The following STAB2 variants were observed in gnomAD, a reference collection of about 807,000 sequenced individuals.
The protein encoded by STAB2 is stabilin 2.
In STAB2, 288 loss-of-function variants were observed where a neutral mutation model predicts 338.1. The observed-to-expected ratio is 0.85, with a 90% CI of 0.77 to 0.94. The LOEUF is 0.94. Among genes scored for constraint, STAB2 ranks in the 40% least tolerant of loss-of-function variants. The pLI is 0.00. For missense variants in STAB2, 3,141 were observed against 3,210.1 expected (o/e 0.98, Z 0.52); for synonymous variants, 1,202 against 1,193.3 (o/e 1.01, Z -0.15).
intron 27 of STAB2, among the ~76,000 whole-genome samples, chr12:103,685,445 TGTGTGTGTGCGC>T (rs1025598278): frequency 4.8e-5 from 7 of 145,742 alleles, no homozygotes; most frequent in African/African-American, 1.9e-4. Flanking sequence ...TGTGTGTGTG[TGTGTGTGTGCGC>T]GTGCGTGTGT....
intron 68 of STAB2, chr12:103,766,041 C>A: frequency 1.5e-6 from 1 of 653,562 alleles, no homozygotes; most frequent in Non-Finnish European, 2.8e-6. Context: ...GAAGAAACTG[C>A]AGCCGAGTTG....
intron 68 of STAB2, among the ~76,000 whole-genome samples, chr12:103,765,562 C>T (rs1294260500): frequency 6.6e-6 from 1 of 152,206 alleles, no homozygotes; most frequent in Non-Finnish European, 1.5e-5. Flanking sequence ...GCATGGCCAC[C>T]TCTAGAGTGT....
chr12:103,648,822 A>G lies in STAB2; in HGVS notation c.1173A>G (p.Leu391=). 1.9e-6 allele frequency: 3 copies of G among 1,613,786 alleles called. No homozygotes were observed. The highest frequency in any genetic ancestry group is 2.5e-6 in the Non-Finnish European group (3 of 1,179,806). Residue 391 remains leucine, a splice_region_variant and synonymous_variant, in exon 10 of 69, where the codon CTA becomes CTG. Coordinates refer to ENST00000388887, the MANE Select transcript of STAB2 (RefSeq NM_017564.10). ...QGRLTSFISL[L]DKAYAWPLSK... Reference sequence around the variant, plus strand: ...GGCTGACCTCTTTCATCTCACTCCTAGGTACGCAGCTATGGGTACAGATTT... The same window carrying G: ...GGCTGACCTCTTTCATCTCACTCCTGGGTACGCAGCTATGGGTACAGATTT...
rs188223651 is a variant in STAB2 at position 103,685,479 on chromosome 12, C to T, written c.2997+395C>T. Among the ~76,000 whole-genome samples the T allele has an allele frequency of 4.3e-3, 591 of 137,852 alleles. 4 individuals are homozygous for T. The highest frequency in any genetic ancestry group is 0.011 in the African/African-American group (445 of 39,304). 90.4% of individuals were successfully genotyped at this position (137,852 alleles called of 152,430 possible). A position where few individuals can be genotyped will look rare whatever the true frequency, so the allele number is the denominator to read the frequency against. ...GCGCGTGCGTGTGTGTGTGCGTGCG[C>T]GCATGTGTGTGTGTGTGTACACACT... On this transcript the variant is annotated intron_variant, in intron 27 of 68. Coordinates refer to ENST00000388887, the MANE Select transcript of STAB2 (RefSeq NM_017564.10).
chr12:103,742,497 T>C lies in STAB2; in HGVS notation c.5974T>C (p.Phe1992Leu). ...ATGECKCNTG[F>L]NGTACEMCWP... Reference sequence around the variant, plus strand: ...CGGAGAGTGTAAATGCAACACCGGCTTCAATGGGACGGCGTGTGAGATGTG... The same window carrying C: ...CGGAGAGTGTAAATGCAACACCGGCCTCAATGGGACGGCGTGTGAGATGTG... The change falls in exon 56 of 69, where the codon TTC becomes CTC. Residue 1992 changes from phenylalanine to leucine, a missense_variant. Transcript: ENST00000388887. The C allele has an allele frequency of 6.2e-7, 1 of 1,614,152 alleles. No individual in the cohort carries two copies. The highest frequency in any genetic ancestry group is 1.1e-5 in the South Asian group (1 of 91,074).
intron 3 of STAB2, among the ~76,000 whole-genome samples, chr12:103,618,876 G>A (rs1366910170): frequency 6.6e-6 from 1 of 152,154 alleles, no homozygotes; most frequent in Non-Finnish European, 1.5e-5. Context: ...TCATGGGAGG[G>A]ACCCAGGGGG....
chr12:103,729,603 A>G (rs1881477139), intron 48 of STAB2, among the ~76,000 whole-genome samples: 1 of 152,232 alleles, frequency 6.6e-6, no homozygotes. Context: ...AGGTCACACA[A>G]AGAGCAAATA....
intron 41 of STAB2, 120 bp from the exon 42 acceptor site, chr12:103,713,523 T>G: frequency 6.9e-7 from 1 of 1,456,174 alleles, no homozygotes; most frequent in Non-Finnish European, 9.4e-7. Flanking sequence ...TGGCCATATT[T>G]AATCCAGTGC....
chr12:103,597,130 A>G (rs1257942378), intron 3 of STAB2, among the ~76,000 whole-genome samples: 1 of 152,034 alleles, frequency 6.6e-6, no homozygotes, highest in Non-Finnish European at 1.5e-5. Flanking sequence ...CATCTTCCAA[A>G]CACACTAGAT....
chr12:103,749,612 G>A (rs1054149651), intron 59 of STAB2, among the ~76,000 whole-genome samples: 3 of 150,958 alleles, frequency 2.0e-5, no homozygotes, highest in Admixed American at 6.6e-5. Flanking sequence ...GATGGATCAC[G>A]AGGTCAGGAG....
chr12:103,735,923 T>C lies in STAB2; in HGVS notation c.5550+343T>C, dbSNP rs552096952. Among the ~76,000 whole-genome samples the C allele has an allele frequency of 3.3e-5, 5 of 152,320 alleles. No homozygotes were observed. The East Asian group carries it at 9.7e-4, about 29-fold the overall frequency. Reference sequence around the variant, plus strand: ...GTATACAGTCATTCCTTTCTCTTCCTTCCCAGCCCCACCACTGTGACCTCA... The same window carrying C: ...GTATACAGTCATTCCTTTCTCTTCCCTCCCAGCCCCACCACTGTGACCTCA... On this transcript the variant is annotated intron_variant, in intron 52 of 68. Transcript: ENST00000388887.
chr12:103,726,952 T>C (rs1429191299), intron 46 of STAB2, among the ~76,000 whole-genome samples: 2 of 152,148 alleles, frequency 1.3e-5, no homozygotes, highest in African/African-American at 2.4e-5. Context: ...GCAAGAGACA[T>C]TGGAAAAAAA....
chr12:103,685,476 G>GTGTGCGTA, intron 27 of STAB2, among the ~76,000 whole-genome samples: 1 of 151,200 alleles, frequency 6.6e-6, no homozygotes, highest in Non-Finnish European at 1.5e-5. Context: ...GTGTGTGCGT[G>GTGTGCGTA]CGCGCATGTG....
intron 3 of STAB2, among the ~76,000 whole-genome samples, chr12:103,599,269 C>T (rs917416753): frequency 8.5e-5 from 13 of 152,098 alleles, no homozygotes; most frequent in Admixed American, 3.9e-4. Flanking sequence ...TTTAAAGAAA[C>T]AGACCAGCTG....
intron 27 of STAB2, among the ~76,000 whole-genome samples, chr12:103,685,584 A>G (rs1026929944): frequency 6.6e-6 from 1 of 152,150 alleles, no homozygotes. Flanking sequence ...TGCTACTATT[A>G]TGCCCATTTT....
chr12:103,683,252 T>C lies in STAB2; in HGVS notation c.2853T>C (p.Cys951=), dbSNP rs1182194937. The C allele has an allele frequency of 4.3e-6, 7 of 1,613,046 alleles. No homozygotes were observed. Among genetic ancestry groups the C allele is most frequent in the Non-Finnish European group, 5.9e-6 (7 of 1,179,722 alleles). The part of the protein sequence containing the change: ...KKGFRGNGID[C]EPITSCLEQT... ...GATTTCGAGGAAATGGGATTGACTG[T>C]GAACCAATAACTTCATGCTTGGAAC... Residue 951 remains cysteine (C), a synonymous_variant, in exon 26 of 69, where the codon TGT becomes TGC. Coordinates refer to ENST00000388887, the MANE Select transcript of STAB2 (RefSeq NM_017564.10).
At chr12:103,718,243 A>G (rs1880486443) in intron 44 of STAB2, among the ~76,000 whole-genome samples, 1 of 152,178 alleles carries the variant, frequency 6.6e-6, no homozygotes, top group Admixed American at 6.5e-5. Context: ...CAGCGAGCGC[A>G]CTATGAGTCA....
Position 103,728,954 on chromosome 12 carries a change from A to G in STAB2, c.5041A>G (p.Thr1681Ala), listed in dbSNP as rs558288211. ...AAACCTGAAATTGATCTCAAATGCT[A>G]CTTCCCTCCAAGGAGAGCCAATAGT... ...LENLKLISNA[T>A]SLQGEPIVIS... The change falls in exon 48 of 69, where the codon ACT (threonine) becomes GCT (alanine). Residue 1681 changes from threonine (T) to alanine (A), a missense_variant. Transcript: ENST00000388887. 6 of 1,613,900 alleles carry G rather than the reference A, an allele frequency of 3.7e-6. No homozygotes were observed. In the African/African-American group the frequency reaches 6.7e-5, roughly 18 times the overall value.
chr12:103,685,194 T>A (rs79987558), intron 27 of STAB2, 110 bp downstream of exon 27: 1 of 1,017,436 alleles, frequency 9.8e-7, no homozygotes, highest in Non-Finnish European at 1.5e-6. Context: ...CAGGAGATTT[T>A]ACATGAAGCA....
Sources: gnomAD v4.1 joint callset for allele counts (sites outside exome capture counted in the v4.1 genomes callset) on GRCh38, gnomAD v4.1.1 for gene constraint, MANE v1.5 for transcripts, NCBI Gene and HGNC (gene_info 2026-07-23, HGNC 2026-07-21) for gene names.